The following LRRC8C variants were observed in gnomAD, a reference collection of about 807,000 sequenced individuals.
LRRC8C encodes leucine rich repeat containing 8 VRAC subunit C, also known as volume-regulated anion channel subunit LRRC8C.
A neutral mutation model predicts 55.3 loss-of-function variants in LRRC8C; 20 were observed. The ratio of observed to expected loss-of-function variants is 0.36; its 90% CI spans 0.25 to 0.53. The LOEUF is 0.53. Ranked by LOEUF, LRRC8C falls within the 20% of genes least tolerant of loss-of-function variation. The probability of loss-of-function intolerance (pLI) is 0.92; values close to 1 mark genes in which losing one functional copy is unlikely to be tolerated. For synonymous variants in LRRC8C, 376 were observed against 360.7 expected, an observed-to-expected ratio of 1.04 and a Z score of -0.48; for missense variants, 659 against 951.4, an observed-to-expected ratio of 0.69 and a Z score of 4.04.
upstream of LRRC8C, among the ~76,000 whole-genome samples, chr1:89,631,257 A>AG (rs1171499947): frequency 6.6e-6 from 1 of 152,068 alleles, no homozygotes; most frequent in Non-Finnish European, 1.5e-5. Flanking sequence ...GGTGGTGGGG[A>AG]GGGGGCAGAT....
intron 1 of LRRC8C, among the ~76,000 whole-genome samples, chr1:89,657,635 G>A (rs1337614386): frequency 6.6e-6 from 1 of 151,644 alleles, no homozygotes; most frequent in Admixed American, 6.6e-5. Context: ...CAGCTACTTG[G>A]GAGACTGAGG....
At chr1:89,694,559 C>T (rs993842708) in intron 2 of LRRC8C, among the ~76,000 whole-genome samples, 1 of 148,202 alleles carries the variant, frequency 6.7e-6, no homozygotes, top group African/African-American at 2.5e-5. Flanking sequence ...GCTGGGATTA[C>T]AGGTGCGTGA....
At chr1:89,628,817 GC>G (rs35519348), upstream of LRRC8C, among the ~76,000 whole-genome samples, 161 of 152,298 alleles carry the variant, frequency 1.1e-3, no homozygotes, top group African/African-American at 3.8e-3. Context: ...AAATGTTTAG[GC>G]TCTAAGGCTG....
chr1:89,716,352 C>T lies in LRRC8C; in HGVS notation c.*1370C>T, dbSNP rs1018550273. On this transcript the variant is annotated 3_prime_UTR_variant, in exon 3 of 3. Coordinates refer to ENST00000370454, the MANE Select transcript of LRRC8C (RefSeq NM_032270.5). ...TGGATATTAATCGATTTCCCTCAAG[C>T]CTGCCCTTGCTGTGAACTAGTGCTA... The T allele has an allele frequency of 6.6e-6, 1 of 152,186 alleles. No homozygotes were observed. Among genetic ancestry groups the T allele is most frequent in the African/African-American group, 2.4e-5 (1 of 41,448 alleles). 9.4% of individuals were successfully genotyped at this position (152,186 alleles called of 1,614,324 possible).
At chr1:89,663,755 G>A (rs897063524) in intron 1 of LRRC8C, among the ~76,000 whole-genome samples, 1 of 152,110 alleles carries the variant, frequency 6.6e-6, no homozygotes, top group Non-Finnish European at 1.5e-5. Flanking sequence ...CAGTGTAAAA[G>A]CGTTCCTGTT....
At chr1:89,624,783 T>C in the LRRC8C span, 3 of 152,198 alleles carry the variant, frequency 2.0e-5, no homozygotes, top group African/African-American at 7.2e-5. Flanking sequence ...TCTTTTGGAA[T>C]GTTGATAGGT....
chr1:89,658,474 C>G (rs1657010869), intron 1 of LRRC8C, among the ~76,000 whole-genome samples: 1 of 152,190 alleles, frequency 6.6e-6, no homozygotes, highest in Non-Finnish European at 1.5e-5. Flanking sequence ...CTCAACATCT[C>G]AGACGCCAAG....
the LRRC8C span, among the ~76,000 whole-genome samples, chr1:89,618,093 C>A: frequency 2.0e-5 from 3 of 152,226 alleles, no homozygotes; most frequent in Non-Finnish European, 2.9e-5. Flanking sequence ...AGTCTCCAGC[C>A]CCCTTCCCCT....
upstream of LRRC8C, chr1:89,632,629 T>C (rs1259351988): frequency 1.3e-5 from 2 of 152,322 alleles, no homozygotes; most frequent in Admixed American, 1.3e-4. Flanking sequence ...GGGCTATTTT[T>C]AGTGGTGGCT....
intron 2 of LRRC8C, among the ~76,000 whole-genome samples, chr1:89,699,066 G>A (rs528936907): frequency 1.3e-5 from 2 of 152,184 alleles, no homozygotes; most frequent in South Asian, 2.1e-4. Context: ...AAAAATAAAC[G>A]GTCAAGCTAT....
intron 2 of LRRC8C, among the ~76,000 whole-genome samples, chr1:89,691,898 T>C (rs7544575): frequency 0.22 from 33,329 of 152,136 alleles, 3,955 homozygotes; most frequent in East Asian, 0.31. Flanking sequence ...TTATGAATTA[T>C]AAATTAAAAT....
chr1:89,680,164 A>G lies in LRRC8C; in HGVS notation c.-4-6306A>G, dbSNP rs192640400. Among the ~76,000 whole-genome samples the G allele has an allele frequency of 2.0e-4, 30 of 149,802 alleles. No individual in the cohort carries two copies. The East Asian group carries it at 5.6e-3, about 28-fold the overall frequency. On this transcript the variant is annotated intron_variant, in intron 1 of 2. Transcript: ENST00000370454. ...GCAATCTCAGCTCACTGCAAGCTCC[A>G]CCTCCTGGGTTCACACCATTCTCCT...
At chr1:89,626,503 T>C in the LRRC8C span, 2 of 152,228 alleles carry the variant, frequency 1.3e-5, no homozygotes, top group Non-Finnish European at 2.9e-5. Flanking sequence ...TTAGGATATA[T>C]ACCACTTTTG....
chr1:89,677,619 G>A (rs1362603042), intron 1 of LRRC8C, among the ~76,000 whole-genome samples: 5 of 152,184 alleles, frequency 3.3e-5, no homozygotes, highest in Non-Finnish European at 7.4e-5. Context: ...ACCATTAGCT[G>A]TGTTCCTTGG....
the LRRC8C span, among the ~76,000 whole-genome samples, chr1:89,622,458 G>C: frequency 6.6e-6 from 1 of 151,068 alleles, no homozygotes; most frequent in Non-Finnish European, 1.5e-5. Context: ...TCAGCCTCCC[G>C]AGTAGCTGGG....
chr1:89,702,243 G>A (rs574263059), intron 2 of LRRC8C, among the ~76,000 whole-genome samples: 7 of 152,122 alleles, frequency 4.6e-5, no homozygotes, highest in African/African-American at 1.7e-4. Flanking sequence ...ACACTCAAGA[G>A]AAGCAGTGGA....
At chr1:89,686,404 T>G in intron 1 of LRRC8C, 66 bp from the exon 2 acceptor site, 1 of 1,560,052 alleles carries the variant, frequency 6.4e-7, no homozygotes, top group Non-Finnish European at 8.8e-7. Context: ...GGAGCCACAT[T>G]TGGTAACAAT....
intron 1 of LRRC8C, among the ~76,000 whole-genome samples, chr1:89,640,634 A>G (rs1313340626): frequency 6.6e-6 from 1 of 152,206 alleles, no homozygotes; most frequent in Non-Finnish European, 1.5e-5. Context: ...GTTAGGAGAT[A>G]CTGTCCAGCA....
intron 1 of LRRC8C, among the ~76,000 whole-genome samples, chr1:89,645,291 T>G (rs571110966): frequency 2.6e-5 from 4 of 151,986 alleles, no homozygotes; most frequent in African/African-American, 9.6e-5. Context: ...AGTAGAGAAT[T>G]TGAACATGTA....
Sources: allele counts gnomAD v4.1 joint callset (sites outside exome capture counted in the v4.1 genomes callset), GRCh38; gene constraint gnomAD v4.1.1; transcripts MANE v1.5; gene names NCBI Gene and HGNC (gene_info 2026-07-23, HGNC 2026-07-21).